TRPM1: variants seen among roughly 807,000 people sequenced by gnomAD.
The protein encoded by TRPM1 is TRPM1-203 APA Isoform, Intron 10.
TRPM1 carries 113 observed loss-of-function variants against 149.4 expected under a neutral mutation model. The observed-to-expected ratio is 0.76, with a 90% CI of 0.65 to 0.88. TRPM1 has a LOEUF of 0.88. TRPM1 is among the 40% of genes least tolerant of loss of function. The pLI, the probability that TRPM1 is intolerant of heterozygous loss-of-function variation, is 0.00. For synonymous variants in TRPM1, 741 were observed against 759.5 expected, an observed-to-expected ratio of 0.98 and a Z score of 0.40; for missense variants, 1,976 against 2,038.7, an observed-to-expected ratio of 0.97 and a Z score of 0.59.
At chr15:31,107,796 A>G (rs1338246904) in intron 1 of TRPM1, among the ~76,000 whole-genome samples, 1 of 151,346 alleles carries the variant, frequency 6.6e-6, no homozygotes, top group Non-Finnish European at 1.5e-5. Flanking sequence ...TTTTTAGCCC[A>G]CTGGTTACTT....
At chr15:31,078,869 T>C (rs2034783036) in intron 2 of TRPM1, among the ~76,000 whole-genome samples, 2 of 152,234 alleles carry the variant, frequency 1.3e-5, no homozygotes, top group Non-Finnish European at 2.9e-5. Flanking sequence ...ACAAGAACTC[T>C]AAACAAAGAT....
At chr15:31,111,703 C>T (rs1442043807) in intron 1 of TRPM1, among the ~76,000 whole-genome samples, 2 of 152,204 alleles carry the variant, frequency 1.3e-5, no homozygotes, top group African/African-American at 4.8e-5. Flanking sequence ...TGGCACCCCT[C>T]TTCAACACCT....
intron 27 of TRPM1, among the ~76,000 whole-genome samples, chr15:31,025,716 C>A (rs1020648975): frequency 2.0e-5 from 3 of 151,038 alleles, no homozygotes; most frequent in Non-Finnish European, 4.4e-5. Context: ...CCCTGTGAGG[C>A]TGGGAAAGGT....
intron 1 of TRPM1, among the ~76,000 whole-genome samples, chr15:31,150,622 G>C (rs1176750513): frequency 1.3e-5 from 2 of 152,080 alleles, no homozygotes; most frequent in Non-Finnish European, 2.9e-5. Flanking sequence ...TTTTAGCAGA[G>C]ATGGGGTTTC....
intron 27 of TRPM1, among the ~76,000 whole-genome samples, chr15:31,014,544 TTAAA>T (rs1273956614): frequency 6.6e-6 from 1 of 152,224 alleles, no homozygotes; most frequent in Admixed American, 6.5e-5. Context: ...GCCATTTTGT[TTAAA>T]TAAGAATGCC....
Position 31,056,070 on chromosome 15 carries a change from C to T in TRPM1, c.1263+4474G>A, listed in dbSNP as rs550073364. On this transcript the variant is annotated intron_variant, in intron 11 of 27. Coordinates refer to ENST00000256552, the MANE Select transcript of TRPM1 (RefSeq NM_001252024.2). The stretch of plus-strand genomic sequence containing the variant: ...TCTTAAATATAAAAAGCATGAGTGC[C>T]TAAACCTTTAAAAATTGTATAAAAG... Among the ~76,000 whole-genome samples the T allele has an allele frequency of 2.0e-5, 3 of 152,138 alleles. No individual in the cohort carries two copies. The South Asian group carries it at 6.2e-4, about 32-fold the overall frequency.
intron 5 of TRPM1, 65 bp from the exon 6 acceptor site, chr15:31,067,252 T>C (rs2034404090): frequency 1.2e-6 from 2 of 1,613,148 alleles, no homozygotes; most frequent in Middle Eastern, 1.6e-4. Flanking sequence ...ATTCATGAAA[T>C]TTAGGGACAC....
intron 1 of TRPM1, among the ~76,000 whole-genome samples, chr15:31,151,463 G>T (rs2036303176): frequency 1.3e-5 from 2 of 152,200 alleles, no homozygotes; most frequent in South Asian, 4.1e-4. Flanking sequence ...GTCTCTCATA[G>T]CCTGGAGGGT....
chr15:31,127,622 C>T (rs545130228), intron 1 of TRPM1, among the ~76,000 whole-genome samples: 1 of 152,282 alleles, frequency 6.6e-6, no homozygotes, highest in Admixed American at 6.5e-5. Flanking sequence ...ACACAGCTTC[C>T]TCAGCTAAGT....
chr15:31,073,241 C>G (rs183053437), intron 3 of TRPM1, among the ~76,000 whole-genome samples: 18 of 152,220 alleles, frequency 1.2e-4, no homozygotes, highest in African/African-American at 3.9e-4. Flanking sequence ...TATTCCAGTA[C>G]CATTTGCTGA....
intron 27 of TRPM1, among the ~76,000 whole-genome samples, chr15:31,015,885 T>C (rs1373521502): frequency 6.6e-6 from 1 of 152,208 alleles, no homozygotes; most frequent in Non-Finnish European, 1.5e-5. Context: ...CTGTCTCATC[T>C]TGTTCTTCAT....
At chr15:31,090,145 T>C (rs982998012) in intron 1 of TRPM1, among the ~76,000 whole-genome samples, 1 of 152,190 alleles carries the variant, frequency 6.6e-6, no homozygotes, top group Non-Finnish European at 1.5e-5. Flanking sequence ...CCTTCAGCTA[T>C]TTCTTCCTGG....
At chr15:31,083,194 C>T (rs976672302) in intron 1 of TRPM1, among the ~76,000 whole-genome samples, 14 of 152,188 alleles carry the variant, frequency 9.2e-5, no homozygotes, top group South Asian at 4.2e-4. Context: ...AAGCAAACCC[C>T]GCAATGAAAT....
At chr15:31,112,377 C>T (rs2035701780) in intron 1 of TRPM1, among the ~76,000 whole-genome samples, 1 of 152,186 alleles carries the variant, frequency 6.6e-6, no homozygotes, top group Admixed American at 6.5e-5. Context: ...ACTCAGGAGG[C>T]TGAAGCAGGA....
chr15:31,047,062 C>T (rs528884512), intron 15 of TRPM1, 49 bp downstream of exon 15: 3 of 1,612,842 alleles, frequency 1.9e-6, no homozygotes, highest in Admixed American at 1.7e-5. Context: ...AGCGAGGAAC[C>T]ACATGGTACT....
chr15:31,088,999 G>T (rs1596059609), intron 1 of TRPM1, among the ~76,000 whole-genome samples: 2 of 152,212 alleles, frequency 1.3e-5, no homozygotes, highest in East Asian at 3.8e-4. Context: ...GGCAGTTCTA[G>T]ATTTAGGGTG....
rs768040351 is a variant in TRPM1, at chr15:31,070,174, T to C, written c.136A>G (p.Thr46Ala). 6.2e-7 allele frequency: 1 copy of C among 1,613,972 alleles called. No homozygotes were observed. The highest frequency in any genetic ancestry group is 2.2e-5 in the East Asian group (1 of 44,898). ...NQHIPPLPSA[T>A]PSKNEEESKQ... ...CTTTCCTCTTCATTTTTGCTGGGTG[T>C]TGCACTTGGCAGAGGGGGGATATGC... Residue 46 changes from threonine to alanine, a missense_variant, in exon 4 of 28, where the codon ACA becomes GCA. By Grantham distance (58) the Thr-to-Ala change is moderately conservative (BLOSUM62 0). Coordinates refer to ENST00000256552, the MANE Select transcript of TRPM1 (RefSeq NM_001252024.2).
chr15:31,143,711 C>T (rs1300616148), intron 1 of TRPM1, among the ~76,000 whole-genome samples: 1 of 152,070 alleles, frequency 6.6e-6, no homozygotes, highest in South Asian at 2.1e-4. Context: ...TTGTGCCCAG[C>T]CTGTCTTCCA....
upstream of TRPM1, among the ~76,000 whole-genome samples, chr15:31,106,460 T>C (rs2141020229): frequency 6.6e-6 from 1 of 152,272 alleles, no homozygotes; most frequent in African/African-American, 2.4e-5. Context: ...TAAAAAAAAA[T>C]TATTGTTTTA....
Sources: allele counts gnomAD v4.1 joint callset (sites outside exome capture counted in the v4.1 genomes callset), GRCh38; gene constraint gnomAD v4.1.1; transcripts MANE v1.5; gene names NCBI Gene and HGNC (gene_info 2026-07-23, HGNC 2026-07-21).